The following GOSR2 variants were observed in gnomAD, a reference collection of about 807,000 sequenced individuals.
GOSR2 encodes 27 kDa Golgi SNARE protein.
Under a neutral mutation model 27.9 loss-of-function variants are expected in GOSR2, and 20 were observed. The observed-to-expected ratio is 0.72, with a 90% CI of 0.50 to 1.04. The LOEUF (loss-of-function observed/expected upper bound fraction) is 1.04. Ranked by LOEUF, GOSR2 falls within the 50% of genes least tolerant of loss-of-function variation. The pLI, the probability that GOSR2 is intolerant of heterozygous loss-of-function variation, is 0.00. For synonymous variants in GOSR2, 91 were observed against 98.8 expected (o/e 0.92, Z 0.47); for missense variants, 261 against 270.5 (o/e 0.97, Z 0.25).
chr17:46,967,828 G>T (rs542307555), downstream of GOSR2, among the ~76,000 whole-genome samples: 6 of 152,110 alleles, frequency 3.9e-5, no homozygotes, highest in African/African-American at 9.7e-5. Context: ...GATAAAGAGG[G>T]GGGTAGGGGG....
At chr17:46,947,810 C>T (rs920193171) in intron 6 of GOSR2, among the ~76,000 whole-genome samples, 3 of 152,152 alleles carry the variant, frequency 2.0e-5, no homozygotes, top group Non-Finnish European at 4.4e-5. Flanking sequence ...CTCTTGTTGC[C>T]CAGGCTGGAG....
intron 6 of GOSR2, among the ~76,000 whole-genome samples, chr17:46,951,486 CAG>C (rs1177171671): frequency 6.6e-6 from 1 of 152,232 alleles, no homozygotes; most frequent in Non-Finnish European, 1.5e-5. Context: ...GTCAAGCTGC[CAG>C]AGAGAGCCTC....
intron 1 of GOSR2, among the ~76,000 whole-genome samples, chr17:46,925,052 C>G (rs1225254145): frequency 1.3e-5 from 2 of 152,136 alleles, no homozygotes. Context: ...AATGGTACCC[C>G]AAACAAGGTG....
At chr17:46,970,175 G>A (rs188228119), downstream of GOSR2, among the ~76,000 whole-genome samples, 51 of 152,240 alleles carry the variant, frequency 3.3e-4, no homozygotes, top group Non-Finnish European at 5.9e-4. Context: ...CGGCTGTCCT[G>A]CCTCATCTCC....
At chr17:46,955,588 T>C (rs557200876) in intron 6 of GOSR2, 1 of 152,288 alleles carries the variant, frequency 6.6e-6, no homozygotes, top group East Asian at 1.9e-4. Context: ...GAAAAACTCA[T>C]TAATTCCCTA....
chr17:46,960,381 A>G (rs977617573), intron 6 of GOSR2, among the ~76,000 whole-genome samples: 11 of 152,238 alleles, frequency 7.2e-5, no homozygotes, highest in South Asian at 2.1e-4. Flanking sequence ...TAGAGCACCT[A>G]GAATGCTCAC....
chr17:46,965,179 G>A (rs2091257684), intron 6 of GOSR2: 1 of 152,226 alleles, frequency 6.6e-6, no homozygotes, highest in East Asian at 1.9e-4. Flanking sequence ...CAGGGCCCAG[G>A]GCATAGTGGA....
downstream of GOSR2, among the ~76,000 whole-genome samples, chr17:46,971,901 G>A (rs190343017): frequency 1.4e-4 from 21 of 152,344 alleles, no homozygotes; most frequent in Middle Eastern, 3.4e-3. Flanking sequence ...CCGGCAAGGG[G>A]GAAGCTTTAG....
chr17:46,969,740 C>T (rs1258098207), downstream of GOSR2, among the ~76,000 whole-genome samples: 2 of 152,222 alleles, frequency 1.3e-5, no homozygotes, highest in African/African-American at 4.8e-5. Context: ...AACTTCAAAC[C>T]AGTGAGATGG....
At chr17:46,949,916 G>A (rs993246186) in intron 6 of GOSR2, among the ~76,000 whole-genome samples, 2 of 152,170 alleles carry the variant, frequency 1.3e-5, no homozygotes, top group Non-Finnish European at 2.9e-5. Flanking sequence ...GGCCAGACGC[G>A]GGGTGCCTAA....
chr17:46,962,419 A>G (rs191431614), intron 6 of GOSR2, among the ~76,000 whole-genome samples: 22 of 152,114 alleles, frequency 1.4e-4, no homozygotes, highest in Non-Finnish European at 2.5e-4. Context: ...GCCCTTGTTT[A>G]GTCTCCTCAC....
At position 46,940,301 on chromosome 17, in the gene GOSR2, C is replaced by T; in HGVS notation, c.*1541C>T. 13 of 1,440,930 alleles carry T rather than the reference C, an allele frequency of 9.0e-6. No individual in the cohort carries two copies. Among genetic ancestry groups the T allele is most frequent in the Non-Finnish European group, 1.1e-5 (12 of 1,101,752 alleles). 89.3% of individuals were successfully genotyped at this position (1,440,930 alleles called of 1,614,324 possible). A position where few individuals can be genotyped will look rare whatever the true frequency, so the allele number is the denominator to read the frequency against. On this transcript the variant is annotated 3_prime_UTR_variant, in exon 6 of 6. Transcript: ENST00000640051. ...TCCTACCCCTCCGGGCCAAATGGGC[C>T]CCAGGTTTCCAAGGAAGGAGCAATC...
chr17:46,943,629 A>T (rs2089557790), downstream of GOSR2, among the ~76,000 whole-genome samples: 1 of 152,094 alleles, frequency 6.6e-6, no homozygotes, highest in Non-Finnish European at 1.5e-5. Context: ...CGCAGGCGCC[A>T]TCGGGTAAGC....
chr17:46,962,059 C>T (rs1168448290), intron 6 of GOSR2, among the ~76,000 whole-genome samples: 1 of 152,152 alleles, frequency 6.6e-6, no homozygotes, highest in Admixed American at 6.5e-5. Context: ...GGGCCAGGCA[C>T]AGTGGCTCAT....
chr17:46,946,409 C>T (rs1332939232), downstream of GOSR2, among the ~76,000 whole-genome samples: 5 of 146,670 alleles, frequency 3.4e-5, no homozygotes, highest in South Asian at 2.1e-4. Context: ...TGCAGTGAGC[C>T]GAGATCACGC....
intron 4 of GOSR2, chr17:46,933,158 GC>G (rs2087664944): frequency 6.6e-6 from 1 of 152,232 alleles, no homozygotes; most frequent in Non-Finnish European, 1.5e-5. Context: ...TAGTATTCAG[GC>G]CTTTTTTAGG....
rs1328586374 is a variant in GOSR2 at position 46,941,481 on chromosome 17, T to A, written c.*2721T>A. 9 of 959,028 alleles carry A rather than the reference T, an allele frequency of 9.4e-6. No individual in the cohort carries two copies. Among genetic ancestry groups the A allele is most frequent in the Non-Finnish European group, 1.1e-5 (9 of 805,894 alleles). The allele number at this position is 959,028 out of a possible 1,614,324, so 59.4% of individuals were successfully genotyped here. A position where few individuals can be genotyped will look rare whatever the true frequency, so the allele number is the denominator to read the frequency against. Reference sequence around the variant, plus strand: ...CATGGCCAGGGGCTGGGCTGGCTGCTTCAGAAGCAGTGGGGAAGCTTTTTA... The same window carrying A: ...CATGGCCAGGGGCTGGGCTGGCTGCATCAGAAGCAGTGGGGAAGCTTTTTA... On this transcript the variant is annotated 3_prime_UTR_variant, in exon 6 of 6. Transcript: ENST00000640051.
chr17:46,962,912 T>G (rs1290972362), intron 6 of GOSR2, among the ~76,000 whole-genome samples: 2 of 152,252 alleles, frequency 1.3e-5, no homozygotes, highest in Non-Finnish European at 2.9e-5. Flanking sequence ...AACTCATCAT[T>G]TTCATCAATG....
chr17:46,972,555 G>A (rs1305566197), intron 6 of GOSR2, among the ~76,000 whole-genome samples: 1 of 152,238 alleles, frequency 6.6e-6, no homozygotes, highest in Non-Finnish European at 1.5e-5. Flanking sequence ...TCTGCACAAT[G>A]TGACCGTTGG....
Sources: allele counts gnomAD v4.1 joint callset (sites outside exome capture counted in the v4.1 genomes callset), GRCh38; gene constraint gnomAD v4.1.1; transcripts MANE v1.5; gene names NCBI Gene and HGNC (gene_info 2026-07-23, HGNC 2026-07-21).